Variants in SEPTIN10 observed in about 807,000 individuals in gnomAD.
SEPTIN10 encodes septin 10, also known as septin-10.
In SEPTIN10, 66 loss-of-function variants were observed where a neutral mutation model predicts 54.8. That is an observed-to-expected ratio of 1.21 (90% CI 0.99 to 1.48). The LOEUF (loss-of-function observed/expected upper bound fraction) is 1.48. SEPTIN10 is among the 40% of genes most tolerant of loss of function. The pLI is 0.00. For synonymous variants in SEPTIN10, 161 were observed against 181.0 expected (o/e 0.89, Z 0.89); for missense variants, 620 against 545.6 (o/e 1.14, Z -1.36).
At chr2:109,548,250 A>C (rs1240903295) in intron 9 of SEPTIN10, among the ~76,000 whole-genome samples, 1 of 152,058 alleles carries the variant, frequency 6.6e-6, no homozygotes, top group Admixed American at 6.5e-5. Flanking sequence ...CTAACAACAC[A>C]ACCACAGTGT....
At chr2:109,578,725 C>A (rs1015504043) in intron 4 of SEPTIN10, among the ~76,000 whole-genome samples, 2 of 151,922 alleles carry the variant, frequency 1.3e-5, no homozygotes, top group Admixed American at 6.6e-5. Context: ...CGAGATTGTG[C>A]CACTGCACTC....
chr2:109,595,162 C>T (rs1695039607), intron 1 of SEPTIN10, among the ~76,000 whole-genome samples: 1 of 152,216 alleles, frequency 6.6e-6, no homozygotes, highest in Admixed American at 6.5e-5. Flanking sequence ...GCTGGGATTA[C>T]AGGCCTGAGC....
chr2:109,592,641 G>A lies in SEPTIN10; in HGVS notation c.99+410C>T, dbSNP rs577843401. Among the ~76,000 whole-genome samples the A allele has an allele frequency of 4.0e-5, 6 of 151,156 alleles. No homozygotes were observed. The East Asian group carries it at 5.9e-4, about 15-fold the overall frequency. ...TAAAATACAAAAAAGTTAGCCGGAC[G>A]TGGTGGTGGTCACCTGTGATCCCAG... On this transcript the variant is annotated intron_variant, in intron 2 of 10. Coordinates refer to ENST00000397712, the MANE Select transcript of SEPTIN10 (RefSeq NM_144710.5).
intron 8 of SEPTIN10, among the ~76,000 whole-genome samples, chr2:109,554,935 T>A (rs1396599909): frequency 2.0e-5 from 3 of 152,202 alleles, no homozygotes; most frequent in Admixed American, 6.5e-5. Context: ...CCTATCTCCC[T>A]ATCTTATCAA....
intron 8 of SEPTIN10, among the ~76,000 whole-genome samples, chr2:109,559,473 ATC>A (rs907705580): frequency 9.2e-4 from 140 of 152,230 alleles, no homozygotes; most frequent in African/African-American, 3.3e-3. Flanking sequence ...AAGCTGAAGA[ATC>A]TCCCTTTCTA....
intron 8 of SEPTIN10, 52 bp downstream of exon 8, chr2:109,564,314 G>A: frequency 7.0e-7 from 1 of 1,422,838 alleles, no homozygotes; most frequent in Non-Finnish European, 9.3e-7. Flanking sequence ...ATAAAAATAT[G>A]CAATCCTCTC....
intron 4 of SEPTIN10, among the ~76,000 whole-genome samples, chr2:109,581,824 G>C (rs1181959140): frequency 6.6e-6 from 1 of 152,184 alleles, no homozygotes; most frequent in Admixed American, 6.5e-5. Context: ...GTCCTGGCCA[G>C]AGAAGTCAGG....
intron 5 of SEPTIN10, among the ~76,000 whole-genome samples, chr2:109,573,679 A>G (rs1295145661): frequency 6.6e-6 from 1 of 152,206 alleles, no homozygotes; most frequent in African/African-American, 2.4e-5. Flanking sequence ...AGGATCATGA[A>G]AGCTTCATTT....
rs373588932 is a variant in SEPTIN10, at chr2:109,553,083, T to A, written c.1161+4A>T. 1 of 1,611,434 alleles carries A rather than the reference T, an allele frequency of 6.2e-7. No homozygotes were observed. Among genetic ancestry groups the A allele is most frequent in the Non-Finnish European group, 8.5e-7 (1 of 1,179,746 alleles). On this transcript the variant is annotated splice_donor_region_variant and intron_variant, in intron 9 of 10. Coordinates refer to ENST00000397712, the MANE Select transcript of SEPTIN10 (RefSeq NM_144710.5). The stretch of plus-strand genomic sequence containing the variant: ...TGCAAATCACATCAAACCAGCATAC[T>A]TGCCTCTCTCTCAGCTTCTTTCAAT...
intron 9 of SEPTIN10, 36 bp downstream of exon 9, chr2:109,553,051 A>C: frequency 6.3e-7 from 1 of 1,593,060 alleles, no homozygotes; most frequent in African/African-American, 1.4e-5. Flanking sequence ...GACATCTAAA[A>C]AATAAATGCA....
chr2:109,581,524 C>CT (rs1029709860), intron 4 of SEPTIN10, among the ~76,000 whole-genome samples: 1 of 148,466 alleles, frequency 6.7e-6, no homozygotes, highest in African/African-American at 2.5e-5. Context: ...AAAGAAAGGT[C>CT]TGGGAAAAAA....
At chr2:109,551,242 T>C (rs943527554) in intron 9 of SEPTIN10, among the ~76,000 whole-genome samples, 2 of 152,200 alleles carry the variant, frequency 1.3e-5, no homozygotes, top group African/African-American at 4.8e-5. Flanking sequence ...AAATATGGAT[T>C]TATACAAAAG....
chr2:109,558,485 G>C (rs1432448340), intron 8 of SEPTIN10, among the ~76,000 whole-genome samples: 2 of 152,136 alleles, frequency 1.3e-5, no homozygotes, highest in Non-Finnish European at 2.9e-5. Context: ...AGATTAGTTA[G>C]GTTAATCTTT....
chr2:109,608,877 A>T (rs1175769981), intron 1 of SEPTIN10, among the ~76,000 whole-genome samples: 2 of 152,258 alleles, frequency 1.3e-5, no homozygotes, highest in African/African-American at 4.8e-5. Context: ...AGCTTTGCGC[A>T]TCAGGCATTT....
intron 1 of SEPTIN10, among the ~76,000 whole-genome samples, chr2:109,607,517 C>T (rs1434364340): frequency 6.6e-6 from 1 of 152,104 alleles, no homozygotes; most frequent in Non-Finnish European, 1.5e-5. Context: ...GTCTGTGGCC[C>T]TCACCAAAGC....
rs368010477 is a variant in SEPTIN10 at position 109,592,428 on chromosome 2, G to A, written c.99+623C>T. On this transcript the variant is annotated intron_variant, in intron 2 of 10. Coordinates refer to ENST00000397712, the MANE Select transcript of SEPTIN10 (RefSeq NM_144710.5). ...TGCAGTAAGCTGAGATTGCACCATC[G>A]CATTCCAGCCTGGGCGACAGAGCAA... Among the ~76,000 whole-genome samples, 6 of 150,312 alleles carry A rather than the reference G, an allele frequency of 4.0e-5. No individual in the cohort carries two copies. In the East Asian group the frequency reaches 6.0e-4, roughly 15 times the overall value.
intron 8 of SEPTIN10, among the ~76,000 whole-genome samples, chr2:109,556,439 C>T (rs544269792): frequency 5.9e-5 from 9 of 152,164 alleles, no homozygotes; most frequent in African/African-American, 1.9e-4. Flanking sequence ...TTCAAAGAAA[C>T]GCAGAGTAAG....
At chr2:109,554,179 T>C (rs1683797596) in intron 8 of SEPTIN10, among the ~76,000 whole-genome samples, 2 of 152,140 alleles carry the variant, frequency 1.3e-5, no homozygotes, top group African/African-American at 4.8e-5. Flanking sequence ...CAGTGAGTGA[T>C]GGCAGTCATT....
intron 4 of SEPTIN10, among the ~76,000 whole-genome samples, chr2:109,579,020 T>C (rs753512844): frequency 4.6e-5 from 7 of 151,998 alleles, no homozygotes; most frequent in Non-Finnish European, 8.8e-5. Flanking sequence ...ATTAAATAAA[T>C]TGACAACACT....
Sources: allele counts gnomAD v4.1 joint callset (sites outside exome capture counted in the v4.1 genomes callset), GRCh38; gene constraint gnomAD v4.1.1; transcripts MANE v1.5; gene names NCBI Gene and HGNC (gene_info 2026-07-23, HGNC 2026-07-21).